The following HPSE2 variants were observed in gnomAD, a reference collection of about 807,000 sequenced individuals.
The protein encoded by HPSE2 is heparanase 2 (inactive).
In HPSE2, 38 loss-of-function variants were observed where a neutral mutation model predicts 60.5. The observed-to-expected ratio is 0.63, with a 90% confidence interval of 0.48 to 0.82. The LOEUF is 0.82. HPSE2 is among the 40% of genes least tolerant of loss of function. HPSE2 has a pLI of 0.00. For missense variants in HPSE2, 713 were observed against 740.4 expected (o/e 0.96, Z 0.43); for synonymous variants, 295 against 293.2 (o/e 1.01, Z -0.06).
intron 3 of HPSE2, among the ~76,000 whole-genome samples, chr10:99,132,273 A>G (rs1845471910): frequency 1.3e-5 from 2 of 150,082 alleles, no homozygotes; most frequent in African/African-American, 4.9e-5. Context: ...GAAAGAAAGA[A>G]AGAAAAGAAA....
At chr10:98,729,384 T>C (rs1385426161) in intron 4 of HPSE2, among the ~76,000 whole-genome samples, 1 of 151,968 alleles carries the variant, frequency 6.6e-6, no homozygotes, top group African/African-American at 2.4e-5. Flanking sequence ...CCAAGATGGG[T>C]AGGTCACGCG....
Position 98,974,449 on chromosome 10 carries a change from G to T in HPSE2, c.610+169789C>A, listed in dbSNP as rs1283321107. On this transcript the variant is annotated intron_variant, in intron 3 of 11. Coordinates refer to ENST00000370552, the MANE Select transcript of HPSE2 (RefSeq NM_021828.5). ...TGCCCGGCTAATTTTTGTATTTTTA[G>T]TAGAGATGGGGTTTCACCATATTGG... is the stretch of plus-strand genomic sequence containing the variant. 2.6e-5 allele frequency among the ~76,000 whole-genome samples: 4 copies of T among 152,054 alleles called. No individual in the cohort carries two copies. The East Asian group carries it at 5.8e-4, about 22-fold the overall frequency.
chr10:98,994,454 C>T (rs935762715), intron 3 of HPSE2, among the ~76,000 whole-genome samples: 1 of 152,134 alleles, frequency 6.6e-6, no homozygotes, highest in African/African-American at 2.4e-5. Context: ...GGGCCTGCAA[C>T]CAGGGAGAAT....
intron 2 of HPSE2, among the ~76,000 whole-genome samples, chr10:99,211,302 A>G (rs1270792902): frequency 6.6e-6 from 1 of 152,168 alleles, no homozygotes; most frequent in Non-Finnish European, 1.5e-5. Flanking sequence ...AAGAGATTCA[A>G]TGCTGTCCCT....
chr10:98,981,099 G>A (rs928630750), intron 3 of HPSE2, among the ~76,000 whole-genome samples: 3 of 152,022 alleles, frequency 2.0e-5, no homozygotes, highest in African/African-American at 4.8e-5. Flanking sequence ...AGAAAAATTC[G>A]AGCATACCAG....
At chr10:99,045,923 T>C (rs1005363264) in intron 3 of HPSE2, among the ~76,000 whole-genome samples, 9 of 152,164 alleles carry the variant, frequency 5.9e-5, no homozygotes, top group African/African-American at 2.2e-4. Flanking sequence ...GAAGAACTGG[T>C]AGCAATCCTA....
intron 11 of HPSE2, among the ~76,000 whole-genome samples, chr10:98,468,547 C>A (rs572382421): frequency 6.6e-6 from 1 of 152,020 alleles, no homozygotes. Flanking sequence ...GCTGGGAGAG[C>A]GGCACATTAT....
In HPSE2 at chr10:98,577,484, C is replaced by A. The variant is rs1589445459; in HGVS notation, c.1320+37420G>T. 2.0e-5 allele frequency among the ~76,000 whole-genome samples: 3 copies of A among 152,154 alleles called. No individual in the cohort carries two copies. In the South Asian group the frequency reaches 6.2e-4, roughly 32 times the overall value. On this transcript the variant is annotated intron_variant, in intron 9 of 11. Coordinates refer to ENST00000370552, the MANE Select transcript of HPSE2 (RefSeq NM_021828.5). ...CCTATATTATTATATTATGATATTA[C>A]CTAGCCCTAATCAAGCCCCACAATG...
At chr10:98,883,044 G>T (rs1386533886) in intron 3 of HPSE2, among the ~76,000 whole-genome samples, 1 of 152,094 alleles carries the variant, frequency 6.6e-6, no homozygotes, top group Non-Finnish European at 1.5e-5. Context: ...AATAAGAGCA[G>T]TTTTGCATGG....
At chr10:99,051,894 A>G (rs187516624) in intron 3 of HPSE2, among the ~76,000 whole-genome samples, 66 of 152,200 alleles carry the variant, frequency 4.3e-4, no homozygotes, top group African/African-American at 1.5e-3. Flanking sequence ...AGTGTAAAAT[A>G]AAGTCTACAC....
intron 2 of HPSE2, among the ~76,000 whole-genome samples, chr10:99,181,106 A>C (rs1201838669): frequency 6.6e-6 from 1 of 151,938 alleles, no homozygotes; most frequent in Non-Finnish European, 1.5e-5. Context: ...TTCTACTATA[A>C]AGACACACGC....
chr10:98,648,923 C>A (rs1482847736), intron 6 of HPSE2, among the ~76,000 whole-genome samples: 1 of 152,160 alleles, frequency 6.6e-6, no homozygotes, highest in Non-Finnish European at 1.5e-5. Flanking sequence ...TTCCTCATAG[C>A]AACCTGCCCC....
intron 3 of HPSE2, among the ~76,000 whole-genome samples, chr10:99,056,659 C>T (rs913585760): frequency 6.6e-6 from 1 of 151,970 alleles, no homozygotes; most frequent in Admixed American, 6.6e-5. Flanking sequence ...TAAACTTCAT[C>T]GTAAGAGCTA....
intron 2 of HPSE2, among the ~76,000 whole-genome samples, chr10:99,150,804 C>A (rs558569190): frequency 6.1e-4 from 90 of 148,132 alleles, no homozygotes; most frequent in African/African-American, 1.9e-3. Flanking sequence ...TGGGAGAGAC[C>A]CAAGAGATCA....
chr10:99,299,499 C>T, the HPSE2 span, among the ~76,000 whole-genome samples: 1 of 152,172 alleles, frequency 6.6e-6, no homozygotes, highest in Non-Finnish European at 1.5e-5. Flanking sequence ...TTTAACTTGG[C>T]ATGGCATGCA....
At position 98,539,572 on chromosome 10, in the gene HPSE2, A is replaced by G. The variant is rs896664392; in HGVS notation, c.1321-49376T>C. ...AAAAGCATGTTAACAAAGCTGTGTG[A>G]TCCTGTTTTTAGCATTTTACTCAGA... On this transcript the variant is annotated intron_variant, in intron 9 of 11. Transcript: ENST00000370552. Among the ~76,000 whole-genome samples the G allele has an allele frequency of 1.8e-4, 28 of 152,146 alleles. 1 individual carries two copies. Among genetic ancestry groups the G allele is most frequent in the Admixed American group, 1.2e-3 (18 of 15,274 alleles).
chr10:99,198,542 A>G (rs1848475830), intron 2 of HPSE2, among the ~76,000 whole-genome samples: 1 of 152,246 alleles, frequency 6.6e-6, no homozygotes, highest in Non-Finnish European at 1.5e-5. Flanking sequence ...AAATAATAAC[A>G]GATGGCATGA....
intron 3 of HPSE2, among the ~76,000 whole-genome samples, chr10:98,794,124 C>T (rs530449999): frequency 1.9e-3 from 288 of 152,200 alleles, no homozygotes; most frequent in Non-Finnish European, 3.4e-3. Context: ...TTATTGAAAT[C>T]GGAAAATAAT....
intron 3 of HPSE2, among the ~76,000 whole-genome samples, chr10:98,749,738 G>A (rs1180772260): frequency 6.6e-6 from 1 of 150,518 alleles, no homozygotes; most frequent in South Asian, 2.1e-4. Flanking sequence ...CCCAACAGTA[G>A]GCTGATGTAA....
Sources: gnomAD v4.1 joint callset for allele counts (sites outside exome capture counted in the v4.1 genomes callset) on GRCh38, gnomAD v4.1.1 for gene constraint, MANE v1.5 for transcripts, NCBI Gene and HGNC (gene_info 2026-07-23, HGNC 2026-07-21) for gene names.